The following KATNBL1 variants were observed in gnomAD, a reference collection of about 807,000 sequenced individuals.
The protein encoded by KATNBL1 is katanin regulatory subunit B1 like 1.
KATNBL1 carries 28 observed loss-of-function variants against 44.7 expected under a neutral mutation model. The observed-to-expected ratio is 0.63, with a 90% CI of 0.46 to 0.86. The LOEUF (loss-of-function observed/expected upper bound fraction) is 0.86. Among genes scored for constraint, KATNBL1 ranks in the 40% least tolerant of loss-of-function variants. KATNBL1 has a pLI of 0.00. For missense variants in KATNBL1, 272 were observed against 350.7 expected (o/e 0.78, Z 1.79); for synonymous variants, 78 against 114.9 (o/e 0.68, Z 2.06).
chr15:34,180,404 G>A (rs183279424), intron 1 of KATNBL1, among the ~76,000 whole-genome samples: 79 of 152,216 alleles, frequency 5.2e-4, no homozygotes, highest in African/African-American at 1.8e-3. Context: ...CGTCACTTCA[G>A]GGCCCTTCCC....
intron 1 of KATNBL1, among the ~76,000 whole-genome samples, chr15:34,191,245 A>G (rs1371138520): frequency 6.7e-6 from 1 of 150,364 alleles, no homozygotes; most frequent in African/African-American, 2.4e-5. Flanking sequence ...ATGCTGTTGC[A>G]TGCATGTATC....
Position 34,146,863 on chromosome 15 carries a change from T to G in KATNBL1, c.699-13A>C. Reference sequence around the variant, plus strand: ...AACTATAACATATCTGAAATGACATTTTGTTACAAAATTCAAGTGTTTTCA... The same window carrying G: ...AACTATAACATATCTGAAATGACATGTTGTTACAAAATTCAAGTGTTTTCA... On this transcript the variant is annotated splice_polypyrimidine_tract_variant and intron_variant, in intron 7 of 9. Transcript: ENST00000256544. 1 of 1,532,364 alleles carries G rather than the reference T, an allele frequency of 6.5e-7. No individual in the cohort carries two copies. The highest frequency in any genetic ancestry group is 9.0e-7 in the Non-Finnish European group (1 of 1,108,266). 94.9% of individuals were successfully genotyped at this position (1,532,364 alleles called of 1,614,324 possible). A position where few individuals can be genotyped will look rare whatever the true frequency, so the allele number is the denominator to read the frequency against.
intron 1 of KATNBL1, among the ~76,000 whole-genome samples, chr15:34,194,379 C>T (rs536196110): frequency 7.6e-4 from 116 of 151,906 alleles, no homozygotes; most frequent in South Asian, 1.2e-3. Context: ...AAGGCCAAGG[C>T]GGGAGTAGCA....
At chr15:34,150,641 T>C (rs963964195) in intron 4 of KATNBL1, among the ~76,000 whole-genome samples, 1 of 152,228 alleles carries the variant, frequency 6.6e-6, no homozygotes, top group Non-Finnish European at 1.5e-5. Context: ...GGGGCACATG[T>C]GCAGGTTTGT....
intron 1 of KATNBL1, among the ~76,000 whole-genome samples, chr15:34,200,679 A>G (rs1287071029): frequency 1.3e-5 from 2 of 152,228 alleles, no homozygotes; most frequent in Admixed American, 1.3e-4. Flanking sequence ...AGTGGGTACA[A>G]TACTATATCA....
intron 4 of KATNBL1, among the ~76,000 whole-genome samples, chr15:34,151,245 T>G (rs1338972883): frequency 9.2e-5 from 14 of 152,140 alleles, no homozygotes; most frequent in Non-Finnish European, 1.3e-4. Context: ...CTTGCCAGAA[T>G]CTATTATTTT....
intron 1 of KATNBL1, chr15:34,166,030 C>T (rs1225400168): frequency 2.6e-5 from 4 of 152,422 alleles, no homozygotes; most frequent in African/African-American, 7.2e-5. Context: ...ACACAGAAGA[C>T]GGGTGATTTC....
chr15:34,187,174 A>G (rs1277128817), intron 1 of KATNBL1, among the ~76,000 whole-genome samples: 1 of 152,206 alleles, frequency 6.6e-6, no homozygotes, highest in Non-Finnish European at 1.5e-5. Flanking sequence ...GCTGCAGACG[A>G]CCAGGCGGAA....
intron 1 of KATNBL1, among the ~76,000 whole-genome samples, chr15:34,193,577 CATG>C (rs1434864449): frequency 6.6e-6 from 1 of 151,954 alleles, no homozygotes; most frequent in East Asian, 1.9e-4. Context: ...GTAGGCTGGG[CATG>C]ATAACTCATT....
chr15:34,182,125 T>C (rs1301307184), intron 1 of KATNBL1, among the ~76,000 whole-genome samples: 1 of 152,036 alleles, frequency 6.6e-6, no homozygotes, highest in East Asian at 1.9e-4. Flanking sequence ...CCAGGTGTTC[T>C]GTATCCATTG....
intron 1 of KATNBL1, among the ~76,000 whole-genome samples, chr15:34,203,347 C>T (rs1046321413): frequency 6.6e-6 from 1 of 150,882 alleles, no homozygotes; most frequent in African/African-American, 2.5e-5. Flanking sequence ...CCATTCTAGA[C>T]CAAACCACCA....
chr15:34,145,235 C>CAGTT, intron 9 of KATNBL1, 163 bp downstream of exon 9: 1 of 1,399,958 alleles, frequency 7.1e-7, no homozygotes, highest in South Asian at 1.2e-5. Context: ...GCCAAGGTCA[C>CAGTT]AGTTACACGC....
intron 8 of KATNBL1, 200 bp downstream of exon 8, chr15:34,146,561 A>T: frequency 2.0e-6 from 1 of 512,534 alleles, no homozygotes. Context: ...GAAGAGATAC[A>T]GGAGGTTAGT....
At chr15:34,172,381 T>A (rs1261539936) in intron 1 of KATNBL1, among the ~76,000 whole-genome samples, 1 of 149,790 alleles carries the variant, frequency 6.7e-6, no homozygotes, top group Non-Finnish European at 1.5e-5. Context: ...CTCAGCCTCC[T>A]GAGTACCTGG....
intron 1 of KATNBL1, among the ~76,000 whole-genome samples, chr15:34,175,295 C>A (rs1055337468): frequency 6.6e-6 from 1 of 152,086 alleles, no homozygotes; most frequent in Non-Finnish European, 1.5e-5. Flanking sequence ...TGGTTACACA[C>A]CCCAAATCCC....
At chr15:34,152,347 G>A (rs1447419844) in intron 4 of KATNBL1, among the ~76,000 whole-genome samples, 1 of 152,030 alleles carries the variant, frequency 6.6e-6, no homozygotes, top group East Asian at 1.9e-4. Flanking sequence ...GGGATTACAG[G>A]CGCCCCCCAC....
In KATNBL1 at chr15:34,141,633, A is replaced by G. The variant is rs568704836; in HGVS notation, c.*706T>C. 4 of 152,722 alleles carry G rather than the reference A, an allele frequency of 2.6e-5. No individual in the cohort carries two copies. The highest frequency in any genetic ancestry group is 1.9e-4 in the East Asian group (1 of 5,184). 9.5% of individuals were successfully genotyped at this position (152,722 alleles called of 1,614,324 possible). A position where few individuals can be genotyped will look rare whatever the true frequency, so the allele number is the denominator to read the frequency against. On this transcript the variant is annotated 3_prime_UTR_variant, in exon 10 of 10. Transcript: ENST00000256544. ...ATCAGAGATACTAAAACTATTCTCA[A>G]GTTTTAAAAATGGTGCAGAGAGTGT...
chr15:34,172,256 CTTTTT>C (rs59733560), intron 1 of KATNBL1, among the ~76,000 whole-genome samples: 1 of 96,618 alleles, frequency 1.0e-5, no homozygotes, highest in Non-Finnish European at 1.9e-5. Flanking sequence ...GGAACATATT[CTTTTT>C]TTTTTTTTTT....
chr15:34,167,016 C>A (rs2118160), intron 1 of KATNBL1, among the ~76,000 whole-genome samples: 18,465 of 152,158 alleles, frequency 0.12, 1,228 homozygotes, highest in Non-Finnish European at 0.15. Context: ...GCTGAAAATT[C>A]AAAAAATCAG....
Sources: allele counts gnomAD v4.1 joint callset (sites outside exome capture counted in the v4.1 genomes callset), GRCh38; gene constraint gnomAD v4.1.1; transcripts MANE v1.5; gene names NCBI Gene and HGNC (gene_info 2026-07-23, HGNC 2026-07-21).